Variants in USP54 observed in about 807,000 individuals in gnomAD.
USP54 encodes the protein ubiquitin specific peptidase 54.
USP54 carries 87 observed loss-of-function variants against 170.5 expected under a neutral mutation model. The ratio of observed to expected loss-of-function variants is 0.51; its 90% confidence interval spans 0.43 to 0.61. The LOEUF is 0.61. Ranked by LOEUF, USP54 falls within the 20% of genes least tolerant of loss-of-function variation. The pLI, the probability that USP54 is intolerant of heterozygous loss-of-function variation, is 0.00. For missense variants in USP54, 1,786 were observed against 2,047.8 expected (o/e 0.87, Z 2.47); for synonymous variants, 655 against 742.8 (o/e 0.88, Z 1.92).
intron 1 of USP54, among the ~76,000 whole-genome samples, chr10:73,587,435 A>C (rs2077636159): frequency 6.6e-6 from 1 of 151,970 alleles, no homozygotes; most frequent in Admixed American, 6.6e-5. Flanking sequence ...AGACTGCGCC[A>C]CTGCACTCCA....
Position 73,499,094 on chromosome 10 carries a change from C to T in USP54, c.4590G>A (p.Gln1530=). The change falls in exon 24 of 24, where the codon CAG becomes CAA. Residue 1530 remains glutamine (Q), a synonymous_variant. Transcript: ENST00000687698. ...CTGTTCTGGAGCGATGGGGGAGGCT[C>T]TGGTAGTTCAAAGTCCTTCCTGTGT... The part of the protein sequence containing the change: ...AKYTGRTLNY[Q]SLPHRSRTDN... The T allele has an allele frequency of 6.2e-7, 1 of 1,614,124 alleles. No individual in the cohort carries two copies.
In USP54 at chr10:73,529,783, G is replaced by A. The variant is rs1420978024; in HGVS notation, c.1957C>T (p.Arg653Ter). The A allele has an allele frequency of 5.0e-6, 8 of 1,613,826 alleles. No individual in the cohort carries two copies. The highest frequency in any genetic ancestry group is 1.7e-5 in the Admixed American group (1 of 60,004). Reference protein sequence around the residue: ...PGSHLLEQHPRLIQRMESGYE... With the variant: ...PGSHLLEQHP ...CCAGATTCCATTCGCTGGATTAGTC[G>A]GGGGTGCTGCTCTAAAAGGTGAGAG... Residue 653 changes from arginine (R) to a stop codon, truncating the protein, a stop_gained, in exon 15 of 24, where the codon CGA becomes TGA. Transcript: ENST00000687698. LOFTEE classifies it high-confidence loss of function.
At chr10:73,509,241 G>T (rs375347028) in intron 20 of USP54, among the ~76,000 whole-genome samples, 25 of 151,102 alleles carry the variant, frequency 1.7e-4, no homozygotes, top group African/African-American at 6.1e-4. Context: ...TGGAATATTG[G>T]CTAGGTATTA....
intron 9 of USP54, among the ~76,000 whole-genome samples, chr10:73,540,894 C>T (rs940079605): frequency 2.0e-5 from 3 of 152,126 alleles, no homozygotes; most frequent in Non-Finnish European, 4.4e-5. Flanking sequence ...TCTTTAGTCC[C>T]AGTATTATCC....
chr10:73,585,849 C>T (rs1349902504), intron 1 of USP54, among the ~76,000 whole-genome samples: 1 of 152,088 alleles, frequency 6.6e-6, no homozygotes, highest in East Asian at 1.9e-4. Flanking sequence ...GGTGAAACCC[C>T]GTCTCTACTA....
At chr10:73,563,783 C>A (rs1301879191) in intron 4 of USP54, among the ~76,000 whole-genome samples, 1 of 152,028 alleles carries the variant, frequency 6.6e-6, no homozygotes, top group Admixed American at 6.6e-5. Context: ...ATGCTGGATA[C>A]TAATCTTTTG....
At chr10:73,509,895 A>G (rs1206732320) in intron 20 of USP54, among the ~76,000 whole-genome samples, 1 of 152,170 alleles carries the variant, frequency 6.6e-6, no homozygotes, top group Non-Finnish European at 1.5e-5. Flanking sequence ...CTGTGGTCCC[A>G]GCTACTCAGG....
chr10:73,500,868 G>A, intron 22 of USP54, 30 bp from the exon 23 acceptor site: 1 of 1,584,970 alleles, frequency 6.3e-7, no homozygotes, highest in Non-Finnish European at 8.5e-7. Flanking sequence ...AAAAAACATA[G>A]AGATGAGGAT....
At chr10:73,534,804 G>C (rs759962900) in intron 11 of USP54, 34 bp from the exon 12 acceptor site, 13 of 1,598,624 alleles carry the variant, frequency 8.1e-6, no homozygotes, top group Non-Finnish European at 1.0e-5. Context: ...TGCAAAAAGT[G>C]AGGAAACAGA....
At chr10:73,577,616 T>C (rs75234497) in intron 1 of USP54, among the ~76,000 whole-genome samples, 5,357 of 152,282 alleles carry the variant, frequency 0.035, 153 homozygotes, top group South Asian at 0.11. Context: ...CTATTAATAG[T>C]TCCATTTTAC....
In USP54 at chr10:73,523,656, C is replaced by T. The variant is rs1174718768; in HGVS notation, c.2289G>A (p.Lys763=). Residue 763 remains lysine, a synonymous_variant, in exon 17 of 24, where the codon AAG becomes AAA. Transcript: ENST00000687698. Reference sequence around the variant, plus strand: ...TAAACCCTTTCGCTGCCTCTAACTCCTTCTCCCGTTTTCTTCGAAGTTCCT... The same window carrying T: ...TAAACCCTTTCGCTGCCTCTAACTCTTTCTCCCGTTTTCTTCGAAGTTCCT... The part of the protein sequence containing the change: ...QEQELRRKRE[K]ELEAAKGFNP... 1.2e-6 allele frequency: 2 copies of T among 1,613,638 alleles called. No individual in the cohort carries two copies. Among genetic ancestry groups the T allele is most frequent in the Non-Finnish European group, 1.7e-6 (2 of 1,179,728 alleles).
intron 4 of USP54, among the ~76,000 whole-genome samples, chr10:73,562,822 C>G: frequency 6.6e-6 from 1 of 152,116 alleles, no homozygotes; most frequent in Non-Finnish European, 1.5e-5. Context: ...GGTGGAACTG[C>G]GAGGTGGTTA....
At chr10:73,607,035 C>A (rs2079703176) in intron 1 of USP54, among the ~76,000 whole-genome samples, 1 of 151,822 alleles carries the variant, frequency 6.6e-6, no homozygotes, top group South Asian at 2.1e-4. Flanking sequence ...ATTGACCAGG[C>A]ACAGAGGCTC....
intron 1 of USP54, among the ~76,000 whole-genome samples, chr10:73,602,855 CAAAAAAA>C (rs60433926): frequency 4.8e-4 from 20 of 41,428 alleles, no homozygotes; most frequent in Admixed American, 1.4e-3. Context: ...GACTCTGTCT[CAAAAAAA>C]AAAAAAAAAA....
At chr10:73,622,411 C>T (rs2132365602) in intron 1 of USP54, among the ~76,000 whole-genome samples, 1 of 152,104 alleles carries the variant, frequency 6.6e-6, no homozygotes, top group South Asian at 2.1e-4. Context: ...GTAACCTCCG[C>T]TTCCTGGGTT....
intron 20 of USP54, among the ~76,000 whole-genome samples, chr10:73,507,669 C>CA (rs913305815): frequency 0.14 from 3,024 of 22,306 alleles, 480 homozygotes; most frequent in Non-Finnish European, 0.17. Flanking sequence ...GACTCCGTCG[C>CA]AAAAAAAAAA....
At chr10:73,522,125 T>C (rs970931254) in intron 17 of USP54, among the ~76,000 whole-genome samples, 7 of 152,216 alleles carry the variant, frequency 4.6e-5, no homozygotes, top group Non-Finnish European at 1.0e-4. Flanking sequence ...CACTTCCTAA[T>C]TCATCATGAC....
In USP54 at chr10:73,516,597, C is replaced by T; in HGVS notation, c.3829G>A (p.Gly1277Arg). The change falls in exon 20 of 24, where the codon GGG (glycine) becomes AGG (arginine). Residue 1277 changes from glycine (G) to arginine (R), a missense_variant. Transcript: ENST00000687698. ...TRFCDSQLKH[G>R]APRPGMKSSP... ...GACTTCATTCCTGGCCTAGGTGCCC[C>T]ATGCTTAAGCTGAGAATCACAGAAC... 1 of 1,614,202 alleles carries T rather than the reference C, an allele frequency of 6.2e-7. No individual in the cohort carries two copies. The highest frequency in any genetic ancestry group is 8.5e-7 in the Non-Finnish European group (1 of 1,180,028).
At chr10:73,524,736 T>G (rs2062554880) in intron 16 of USP54, among the ~76,000 whole-genome samples, 1 of 152,146 alleles carries the variant, frequency 6.6e-6, no homozygotes, top group Non-Finnish European at 1.5e-5. Context: ...AACAACAACT[T>G]ATGAGGTAGA....
Sources: gnomAD v4.1 joint callset for allele counts (sites outside exome capture counted in the v4.1 genomes callset) on GRCh38, gnomAD v4.1.1 for gene constraint, MANE v1.5 for transcripts, NCBI Gene and HGNC (gene_info 2026-07-23, HGNC 2026-07-21) for gene names.